The following SLC39A11 variants were observed in gnomAD, a reference collection of about 807,000 sequenced individuals.
SLC39A11 encodes the protein zinc transporter ZIP11.
In SLC39A11, 33 loss-of-function variants were observed where a neutral mutation model predicts 36.1. The ratio of observed to expected loss-of-function variants is 0.91; its 90% CI spans 0.69 to 1.22. SLC39A11 has a LOEUF of 1.22. SLC39A11 is among the 50% of genes most tolerant of loss of function. The pLI, the probability that SLC39A11 is intolerant of heterozygous loss-of-function variation, is 0.00. For missense variants in SLC39A11, 432 were observed against 430.3 expected, an observed-to-expected ratio of 1.00 and a Z score of -0.03; for synonymous variants, 166 against 170.3, an observed-to-expected ratio of 0.97 and a Z score of 0.20.
At chr17:73,024,864 A>ATTTTTTTTTTTTTT (rs1163840820) in intron 4 of SLC39A11, among the ~76,000 whole-genome samples, 62 of 97,864 alleles carry the variant, frequency 6.3e-4, no homozygotes, top group Admixed American at 9.6e-4. Flanking sequence ...TGCCCAGCTA[A>ATTTTTTTTTTTTTT]TTTTTTTTTT....
intron 5 of SLC39A11, among the ~76,000 whole-genome samples, chr17:72,940,813 G>A (rs753361189): frequency 2.6e-5 from 4 of 152,140 alleles, no homozygotes; most frequent in Non-Finnish European, 5.9e-5. Flanking sequence ...ATTGTTCAGC[G>A]CAACTATGGC....
At chr17:72,758,085 C>T (rs930121101) in intron 6 of SLC39A11, among the ~76,000 whole-genome samples, 16 of 152,140 alleles carry the variant, frequency 1.1e-4, no homozygotes, top group African/African-American at 3.6e-4. Flanking sequence ...GGGGTTTCAC[C>T]ATGTTGGCCA....
At chr17:72,774,508 G>A (rs555587852) in intron 6 of SLC39A11, among the ~76,000 whole-genome samples, 7 of 152,236 alleles carry the variant, frequency 4.6e-5, no homozygotes, top group Admixed American at 3.3e-4. Context: ...TTAAACTGGC[G>A]AAGGCTTCAC....
At chr17:73,062,902 G>T (rs1157459898) in intron 3 of SLC39A11, among the ~76,000 whole-genome samples, 3 of 152,164 alleles carry the variant, frequency 2.0e-5, no homozygotes, top group Non-Finnish European at 4.4e-5. Flanking sequence ...CTGACAGGAG[G>T]AGTTCAGGAG....
intron 3 of SLC39A11, among the ~76,000 whole-genome samples, chr17:73,048,050 C>A (rs1452335036): frequency 7.6e-6 from 1 of 132,252 alleles, no homozygotes; most frequent in Non-Finnish European, 1.6e-5. Flanking sequence ...CCTGTGCCAA[C>A]CTTTACATTT....
chr17:73,083,556 C>A (rs1050651787), intron 3 of SLC39A11, among the ~76,000 whole-genome samples: 2 of 152,116 alleles, frequency 1.3e-5, no homozygotes, highest in African/African-American at 2.4e-5. Context: ...CATCTTCATG[C>A]CTGAAAAATG....
chr17:72,794,371 G>T (rs1391827396), intron 6 of SLC39A11, among the ~76,000 whole-genome samples: 1 of 152,116 alleles, frequency 6.6e-6, no homozygotes, highest in African/African-American at 2.4e-5. Context: ...GACTCACACT[G>T]ACTCCACAAT....
intron 7 of SLC39A11, among the ~76,000 whole-genome samples, chr17:72,682,224 A>T (rs1043597116): frequency 6.6e-6 from 1 of 152,144 alleles, no homozygotes; most frequent in Admixed American, 6.5e-5. Context: ...TTCATTACAT[A>T]TTACAATGTG....
chr17:72,673,250 G>A (rs2071097393), intron 7 of SLC39A11, among the ~76,000 whole-genome samples: 1 of 152,094 alleles, frequency 6.6e-6, no homozygotes, highest in African/African-American at 2.4e-5. Context: ...GATTACAGGT[G>A]TGTGCCACCA....
chr17:72,952,716 A>G (rs943410574), intron 4 of SLC39A11, among the ~76,000 whole-genome samples: 1 of 152,152 alleles, frequency 6.6e-6, no homozygotes, highest in Non-Finnish European at 1.5e-5. Flanking sequence ...CTTTCTATCC[A>G]TATTACCTCA....
chr17:72,650,575 A>C (rs2069803063), intron 7 of SLC39A11, among the ~76,000 whole-genome samples: 1 of 152,230 alleles, frequency 6.6e-6, no homozygotes, highest in Non-Finnish European at 1.5e-5. Context: ...TTGGCCGGAC[A>C]GTTCCAAGAA....
intron 4 of SLC39A11, among the ~76,000 whole-genome samples, chr17:72,971,336 A>ACACTCT (rs1555657685): frequency 1.3e-4 from 18 of 143,496 alleles, no homozygotes; most frequent in African/African-American, 2.0e-4. Context: ...ACACACACAC[A>ACACTCT]CTCTCTCTCT....
At chr17:72,971,898 G>A (rs1335212228) in intron 4 of SLC39A11, among the ~76,000 whole-genome samples, 2 of 152,202 alleles carry the variant, frequency 1.3e-5, no homozygotes, top group African/African-American at 4.8e-5. Context: ...ACGGTTTGCA[G>A]ACTCAAGTTC....
At chr17:72,868,934 T>TATGCAA (rs1196285255) in intron 5 of SLC39A11, among the ~76,000 whole-genome samples, 6 of 152,220 alleles carry the variant, frequency 3.9e-5, no homozygotes, top group Non-Finnish European at 8.8e-5. Flanking sequence ...TCTCCCTGCC[T>TATGCAA]AGAGTACACA....
intron 3 of SLC39A11, among the ~76,000 whole-genome samples, chr17:73,069,833 A>G (rs1289244762): frequency 6.6e-6 from 1 of 152,192 alleles, no homozygotes; most frequent in East Asian, 1.9e-4. Context: ...GCTACTCCCT[A>G]TTATTTAAAT....
intron 3 of SLC39A11, among the ~76,000 whole-genome samples, chr17:73,060,683 T>C (rs1183181372): frequency 6.6e-6 from 1 of 152,222 alleles, no homozygotes. Flanking sequence ...TTATTTAGTA[T>C]ACTAAATTAT....
intron 5 of SLC39A11, among the ~76,000 whole-genome samples, chr17:72,882,360 TAAAA>T (rs11332921): frequency 0.07 from 8,850 of 126,182 alleles, 272 homozygotes; most frequent in Middle Eastern, 0.11. Flanking sequence ...TTCCTATATC[TAAAA>T]AAAAAAAAAA....
intron 4 of SLC39A11, among the ~76,000 whole-genome samples, chr17:73,026,389 C>G (rs2058553956): frequency 6.6e-6 from 1 of 151,676 alleles, no homozygotes; most frequent in Non-Finnish European, 1.5e-5. Flanking sequence ...GTGGCGCATG[C>G]CTGTAATCCC....
intron 6 of SLC39A11, chr17:72,837,846 C>T: frequency 1.2e-6 from 1 of 861,652 alleles, no homozygotes; most frequent in South Asian, 6.2e-5. Context: ...GTTAGGGAAA[C>T]TGTAGAGACA....
Sources: gnomAD v4.1 joint callset for allele counts (sites outside exome capture counted in the v4.1 genomes callset) on GRCh38, gnomAD v4.1.1 for gene constraint, MANE v1.5 for transcripts, NCBI Gene and HGNC (gene_info 2026-07-23, HGNC 2026-07-21) for gene names.